SOX6: variants seen among roughly 807,000 people sequenced by gnomAD.
The protein encoded by SOX6 is SRY-box transcription factor 6, also known as transcription factor SOX-6.
SOX6 carries 11 observed loss-of-function variants against 97.8 expected under a neutral mutation model. That is an observed-to-expected ratio of 0.11 (90% CI 0.07 to 0.19). The LOEUF (loss-of-function observed/expected upper bound fraction) is 0.19, where lower values mean the gene tolerates loss of function less well. SOX6 is among the 10% of genes least tolerant of loss of function. The probability of loss-of-function intolerance (pLI) is 1.00; values close to 1 mark genes in which losing one functional copy is unlikely to be tolerated. For synonymous variants in SOX6, 360 were observed against 371.4 expected, an observed-to-expected ratio of 0.97 and a Z score of 0.35; for missense variants, 810 against 1,039.5, an observed-to-expected ratio of 0.78 and a Z score of 3.04.
intron 3 of SOX6, among the ~76,000 whole-genome samples, chr11:16,246,873 A>C (rs1265989704): frequency 1.3e-5 from 2 of 152,180 alleles, no homozygotes; most frequent in African/African-American, 4.8e-5. Context: ...TAACTTGGGT[A>C]TCCATCACCT....
chr11:16,416,493 C>T (rs775705948), intron 1 of SOX6, among the ~76,000 whole-genome samples: 2 of 152,120 alleles, frequency 1.3e-5, no homozygotes, highest in African/African-American at 4.8e-5. Flanking sequence ...TTCTTGGAAA[C>T]AAATAATGGC....
intron 4 of SOX6, among the ~76,000 whole-genome samples, chr11:16,190,329 AC>A (rs1851594515): frequency 6.6e-6 from 1 of 152,134 alleles, no homozygotes; most frequent in Admixed American, 6.6e-5. Flanking sequence ...CATACAGTCA[AC>A]CCCCGCTATC....
intron 1 of SOX6, among the ~76,000 whole-genome samples, chr11:16,377,153 A>G (rs1857665078): frequency 6.6e-6 from 1 of 152,102 alleles, no homozygotes; most frequent in Non-Finnish European, 1.5e-5. Flanking sequence ...ATTCAGCCTT[A>G]TTCTCTTTCA....
intron 2 of SOX6, among the ~76,000 whole-genome samples, chr11:16,723,907 T>A (rs1041788597): frequency 2.0e-5 from 3 of 152,200 alleles, no homozygotes; most frequent in African/African-American, 7.2e-5. Context: ...AGAAGCATAG[T>A]CAGATGAAGA....
chr11:16,341,328 T>C (rs1224143180), intron 1 of SOX6, 76 bp from the exon 2 acceptor site: 27 of 1,562,070 alleles, frequency 1.7e-5, no homozygotes, highest in African/African-American at 2.7e-5. Flanking sequence ...ATTTGGCTAG[T>C]TCAGGAAAGA....
At chr11:16,232,600 G>C (rs144691715) in intron 4 of SOX6, among the ~76,000 whole-genome samples, 1 of 152,064 alleles carries the variant, frequency 6.6e-6, no homozygotes, top group East Asian at 1.9e-4. Context: ...AAGACGGAAA[G>C]GGGGGGAGAA....
At chr11:16,110,004 G>A (rs967275401) in intron 7 of SOX6, among the ~76,000 whole-genome samples, 1 of 152,038 alleles carries the variant, frequency 6.6e-6, no homozygotes, top group Non-Finnish European at 1.5e-5. Context: ...CAATTTCTCT[G>A]TTTTTCTCAG....
At chr11:16,371,931 T>TAC (rs1857503309) in intron 1 of SOX6, among the ~76,000 whole-genome samples, 1 of 152,074 alleles carries the variant, frequency 6.6e-6, no homozygotes, top group Non-Finnish European at 1.5e-5. Context: ...TAAAGAACTT[T>TAC]AGCACAATGG....
chr11:16,024,340 G>A (rs961646315), intron 12 of SOX6, among the ~76,000 whole-genome samples: 2 of 151,918 alleles, frequency 1.3e-5, no homozygotes, highest in African/African-American at 4.8e-5. Flanking sequence ...CTAATACAAT[G>A]GCAGCTTCTA....
chr11:16,338,081 T>C (rs1191821362), intron 2 of SOX6, among the ~76,000 whole-genome samples: 1 of 152,094 alleles, frequency 6.6e-6, no homozygotes, highest in African/African-American at 2.4e-5. Flanking sequence ...TAACAGTTCA[T>C]GAATGAGGGC....
At chr11:16,366,291 C>T (rs902320275) in intron 1 of SOX6, among the ~76,000 whole-genome samples, 2 of 152,126 alleles carry the variant, frequency 1.3e-5, no homozygotes, top group African/African-American at 4.8e-5. Flanking sequence ...TTGGAAAGGG[C>T]TTCCTATTCT....
intron 9 of SOX6, among the ~76,000 whole-genome samples, chr11:16,076,730 T>C (rs778056967): frequency 1.3e-4 from 18 of 138,280 alleles, no homozygotes; most frequent in Non-Finnish European, 2.1e-4. Flanking sequence ...GGGGAGGTAC[T>C]ACACATTTTT....
intron 7 of SOX6, among the ~76,000 whole-genome samples, chr11:16,110,904 C>T (rs1024373011): frequency 1.3e-5 from 2 of 152,168 alleles, no homozygotes; most frequent in African/African-American, 2.4e-5. Flanking sequence ...AACTGCTGCA[C>T]GCAGATTTGT....
At chr11:15,983,209 A>G (rs1853725102) in intron 15 of SOX6, among the ~76,000 whole-genome samples, 1 of 152,132 alleles carries the variant, frequency 6.6e-6, no homozygotes, top group African/African-American at 2.4e-5. Context: ...ACACACACAC[A>G]TTTATTATCT....
intron 4 of SOX6, among the ~76,000 whole-genome samples, chr11:16,212,467 T>C (rs1467395108): frequency 6.6e-6 from 1 of 152,158 alleles, no homozygotes; most frequent in Non-Finnish European, 1.5e-5. Flanking sequence ...TAATATTATG[T>C]TTTTAAATTC....
At chr11:16,179,339 C>T (rs1013680775) in intron 6 of SOX6, among the ~76,000 whole-genome samples, 1 of 151,754 alleles carries the variant, frequency 6.6e-6, no homozygotes, top group African/African-American at 2.4e-5. Context: ...AACATACAGA[C>T]TCACAAAATA....
chr11:16,346,555 C>T (rs564268531), intron 1 of SOX6, among the ~76,000 whole-genome samples: 4 of 152,056 alleles, frequency 2.6e-5, no homozygotes, highest in African/African-American at 9.7e-5. Context: ...CTCCTCTCCC[C>T]CAATCCACCT....
At chr11:16,348,163 A>G (rs993909487) in intron 1 of SOX6, among the ~76,000 whole-genome samples, 5 of 152,148 alleles carry the variant, frequency 3.3e-5, no homozygotes, top group African/African-American at 1.2e-4. Context: ...AAGCCTGAAA[A>G]TCATTTCCAG....
chr11:16,609,338 G>T (rs555251777), intron 4 of SOX6, among the ~76,000 whole-genome samples: 3 of 152,204 alleles, frequency 2.0e-5, no homozygotes, highest in Non-Finnish European at 2.9e-5. Context: ...TGGGAAAGAG[G>T]TTCTGAAGCA....
Sources: gnomAD v4.1 joint callset for allele counts (sites outside exome capture counted in the v4.1 genomes callset) on GRCh38, gnomAD v4.1.1 for gene constraint, MANE v1.5 for transcripts, NCBI Gene and HGNC (gene_info 2026-07-23, HGNC 2026-07-21) for gene names.